FHIT: variants seen among roughly 807,000 people sequenced by gnomAD.
The protein encoded by FHIT is bis(5'-adenosyl)-triphosphatase.
Under a neutral mutation model 17.9 loss-of-function variants are expected in FHIT, and 19 were observed. That is an observed-to-expected ratio of 1.06 (90% CI 0.74 to 1.56). The LOEUF (loss-of-function observed/expected upper bound fraction) is 1.56, where lower values mean the gene tolerates loss of function less well. Among genes scored for constraint, FHIT ranks in the 40% most tolerant of loss-of-function variants. The pLI is 0.00. For missense variants in FHIT, 248 were observed against 189.2 expected (o/e 1.31, Z -1.82); for synonymous variants, 81 against 69.7 (o/e 1.16, Z -0.81).
intron 3 of FHIT, among the ~76,000 whole-genome samples, chr3:60,882,403 A>G (rs1705021980): frequency 1.3e-5 from 2 of 152,106 alleles, no homozygotes; most frequent in African/African-American, 4.8e-5. Flanking sequence ...CCTGATACCA[A>G]GCCAGATAAG....
chr3:59,938,966 C>G (rs1706375987), intron 7 of FHIT, among the ~76,000 whole-genome samples: 1 of 152,170 alleles, frequency 6.6e-6, no homozygotes, highest in Non-Finnish European at 1.5e-5. Context: ...TGCATATCAT[C>G]TCAGCCTGGC....
rs1406114767 is a variant in FHIT, at chr3:61,205,582, G to A, written c.-212-4917C>T. Reference sequence around the variant, plus strand: ...TGTCTCTGATGGCCAGTGATGGTGAGCATTTTTTCATGTGTCTTTTGGCTG... The same window carrying A: ...TGTCTCTGATGGCCAGTGATGGTGAACATTTTTTCATGTGTCTTTTGGCTG... On this transcript the variant is annotated intron_variant, in intron 1 of 9. Transcript: ENST00000492590. Among the ~76,000 whole-genome samples the A allele has an allele frequency of 3.3e-5, 5 of 152,314 alleles. No individual in the cohort carries two copies. The East Asian group carries it at 9.6e-4, about 29-fold the overall frequency.
intron 3 of FHIT, among the ~76,000 whole-genome samples, chr3:60,994,802 G>C (rs1255095795): frequency 6.6e-6 from 1 of 152,100 alleles, no homozygotes; most frequent in Admixed American, 6.5e-5. Flanking sequence ...AAACCAGGAA[G>C]GGAGCTGGTG....
intron 5 of FHIT, among the ~76,000 whole-genome samples, chr3:60,277,581 C>G (rs1707215170): frequency 6.6e-6 from 1 of 152,166 alleles, no homozygotes; most frequent in Non-Finnish European, 1.5e-5. Context: ...CAGGGTAGGG[C>G]ATCCAGCTTC....
At chr3:59,796,245 T>A (rs1472142805) in intron 8 of FHIT, among the ~76,000 whole-genome samples, 1 of 152,156 alleles carries the variant, frequency 6.6e-6, no homozygotes, top group Non-Finnish European at 1.5e-5. Flanking sequence ...CCCAGTACAA[T>A]GAGAATGAAA....
intron 8 of FHIT, among the ~76,000 whole-genome samples, chr3:59,915,486 A>G (rs1280596912): frequency 6.6e-6 from 1 of 152,164 alleles, no homozygotes; most frequent in Non-Finnish European, 1.5e-5. Context: ...TTGAAGCTCA[A>G]CCTGTAGATA....
At chr3:60,304,057 G>A (rs1708560711) in intron 5 of FHIT, among the ~76,000 whole-genome samples, 1 of 152,110 alleles carries the variant, frequency 6.6e-6, no homozygotes, top group African/African-American at 2.4e-5. Flanking sequence ...GCTCTTGCTT[G>A]TCTCCTTTAT....
intron 2 of FHIT, among the ~76,000 whole-genome samples, chr3:61,178,268 T>C (rs1251960869): frequency 1.3e-5 from 2 of 152,008 alleles, no homozygotes; most frequent in Non-Finnish European, 2.9e-5. Flanking sequence ...TGAGAGGTGC[T>C]ACTCTCACCC....
At chr3:59,806,349 G>A (rs1332837794) in intron 8 of FHIT, among the ~76,000 whole-genome samples, 2 of 152,100 alleles carry the variant, frequency 1.3e-5, no homozygotes, top group Admixed American at 1.3e-4. Flanking sequence ...GAGGCACAGG[G>A]AGACAAACAC....
At chr3:60,173,913 A>ATTTTTTT (rs1359545917) in intron 5 of FHIT, among the ~76,000 whole-genome samples, 7 of 68,502 alleles carry the variant, frequency 1.0e-4, no homozygotes, top group Admixed American at 1.9e-4. Flanking sequence ...ATATATATAT[A>ATTTTTTT]TATGTTTTTT....
At chr3:60,037,120 C>G (rs537086260) in intron 5 of FHIT, among the ~76,000 whole-genome samples, 1 of 152,222 alleles carries the variant, frequency 6.6e-6, no homozygotes, top group Admixed American at 6.5e-5. Flanking sequence ...GAGCTAACAA[C>G]CAACATTGAA....
At chr3:60,107,557 G>C (rs1240741858) in intron 5 of FHIT, among the ~76,000 whole-genome samples, 2 of 152,122 alleles carry the variant, frequency 1.3e-5, no homozygotes, top group Non-Finnish European at 2.9e-5. Flanking sequence ...GTATGTGACT[G>C]GTTATAGCTC....
At chr3:59,955,045 C>G (rs1215045834) in intron 7 of FHIT, among the ~76,000 whole-genome samples, 2 of 152,204 alleles carry the variant, frequency 1.3e-5, no homozygotes, top group Non-Finnish European at 2.9e-5. Flanking sequence ...GATCCACTTA[C>G]AACTGTGTGG....
intron 8 of FHIT, among the ~76,000 whole-genome samples, chr3:59,914,600 T>G (rs954566770): frequency 3.9e-4 from 60 of 152,264 alleles, no homozygotes; most frequent in African/African-American, 1.4e-3. Context: ...TTTGGGACTT[T>G]AAAATTGTAT....
chr3:60,550,815 A>C (rs771297798), intron 4 of FHIT, among the ~76,000 whole-genome samples: 18 of 152,148 alleles, frequency 1.2e-4, no homozygotes, highest in Non-Finnish European at 2.4e-4. Context: ...AATATGACAG[A>C]CCAGCCCTCT....
chr3:60,944,600 CAT>C (rs1304299017), intron 3 of FHIT, among the ~76,000 whole-genome samples: 3 of 152,124 alleles, frequency 2.0e-5, no homozygotes, highest in African/African-American at 7.2e-5. Context: ...CATAAAAACT[CAT>C]AGTGTGGCAG....
At chr3:61,169,406 A>G (rs551161093) in intron 2 of FHIT, among the ~76,000 whole-genome samples, 3 of 152,272 alleles carry the variant, frequency 2.0e-5, no homozygotes, top group Admixed American at 6.5e-5. Flanking sequence ...GTAAAATAAA[A>G]TCTTTAGCAT....
intron 8 of FHIT, among the ~76,000 whole-genome samples, chr3:59,794,012 T>G (rs1383096793): frequency 6.6e-6 from 1 of 152,096 alleles, no homozygotes; most frequent in Non-Finnish European, 1.5e-5. Flanking sequence ...AATCCATTAA[T>G]CTCACTGCCA....
At chr3:60,098,609 G>C (rs1450398801) in intron 5 of FHIT, among the ~76,000 whole-genome samples, 4 of 152,130 alleles carry the variant, frequency 2.6e-5, no homozygotes, top group Admixed American at 6.5e-5. Flanking sequence ...GCAGATTCTG[G>C]ATATTAGCCC....
Sources: allele counts gnomAD v4.1 joint callset (sites outside exome capture counted in the v4.1 genomes callset), GRCh38; gene constraint gnomAD v4.1.1; transcripts MANE v1.5; gene names NCBI Gene and HGNC (gene_info 2026-07-23, HGNC 2026-07-21).